The following ROBO2 variants were observed in gnomAD, a reference collection of about 807,000 sequenced individuals.
ROBO2 encodes the protein roundabout guidance receptor 2.
In ROBO2, 53 loss-of-function variants were observed where a neutral mutation model predicts 160.8. That is an observed-to-expected ratio of 0.33 (90% confidence interval 0.26 to 0.41). ROBO2 has a LOEUF of 0.41. Ranked by LOEUF, ROBO2 falls within the 10% of genes least tolerant of loss-of-function variation. ROBO2 has a pLI of 1.00. For synonymous variants in ROBO2, 664 were observed against 611.7 expected, an observed-to-expected ratio of 1.09 and a Z score of -1.26; for missense variants, 1,577 against 1,722.4, an observed-to-expected ratio of 0.92 and a Z score of 1.49.
rs368189231 is a variant in ROBO2 at position 75,927,451 on chromosome 3, A to G, written c.-13-10030A>G. On this transcript the variant is annotated intron_variant, in intron 1 of 26. Coordinates refer to the ROBO2 transcript ENST00000487694. Reference sequence around the variant, plus strand: ...AAGATAATTAATCTTTGAGAGGTTAAGTAACTATTACAAGGTAGTTTACCT... The same window carrying G: ...AAGATAATTAATCTTTGAGAGGTTAGGTAACTATTACAAGGTAGTTTACCT... Among the ~76,000 whole-genome samples, 3 of 152,212 alleles carry G rather than the reference A, an allele frequency of 2.0e-5. No individual in the cohort carries two copies. In the South Asian group the frequency reaches 6.2e-4, roughly 32 times the overall value.
intron 2 of ROBO2, among the ~76,000 whole-genome samples, chr3:76,089,848 A>G (rs2069158059): frequency 6.6e-6 from 1 of 152,214 alleles, no homozygotes; most frequent in South Asian, 2.1e-4. Context: ...AGAAAACAAA[A>G]TTTTAAAATA....
intron 2 of ROBO2, among the ~76,000 whole-genome samples, chr3:76,815,321 A>C (rs2109046409): frequency 6.6e-6 from 1 of 152,166 alleles, no homozygotes; most frequent in African/African-American, 2.4e-5. Flanking sequence ...GAATTTAGGT[A>C]AGTTATGGTA....
intron 2 of ROBO2, among the ~76,000 whole-genome samples, chr3:77,215,580 G>A (rs1465542272): frequency 6.6e-6 from 1 of 152,084 alleles, no homozygotes; most frequent in Admixed American, 6.6e-5. Flanking sequence ...CTCTCAACTC[G>A]TCAAAGTCAT....
chr3:77,082,719 TAC>T (rs200300035), intron 1 of ROBO2, among the ~76,000 whole-genome samples: 2 of 149,388 alleles, frequency 1.3e-5, no homozygotes, highest in African/African-American at 5.1e-5. Context: ...TATATATATA[TAC>T]ACACACAATA....
intron 9 of ROBO2, among the ~76,000 whole-genome samples, chr3:77,561,202 C>A (rs1046067784): frequency 6.6e-6 from 1 of 152,116 alleles, no homozygotes; most frequent in Non-Finnish European, 1.5e-5. Flanking sequence ...GAGAATCAAT[C>A]GAGAAAGCTT....
chr3:77,059,686 C>T (rs1413694958), intron 1 of ROBO2, among the ~76,000 whole-genome samples: 1 of 152,012 alleles, frequency 6.6e-6, no homozygotes, highest in East Asian at 1.9e-4. Flanking sequence ...TTTTAATTGT[C>T]TCCTTTTGAT....
chr3:76,723,190 G>A (rs1243418115), intron 2 of ROBO2, among the ~76,000 whole-genome samples: 1 of 152,020 alleles, frequency 6.6e-6, no homozygotes, highest in African/African-American at 2.4e-5. Context: ...TTTAAAGTAT[G>A]TATTACAATA....
intron 2 of ROBO2, among the ~76,000 whole-genome samples, chr3:76,558,070 T>G (rs1299998106): frequency 1.3e-5 from 2 of 151,972 alleles, no homozygotes; most frequent in Non-Finnish European, 2.9e-5. Flanking sequence ...GTATTGTTGT[T>G]TAAGATAATA....
At chr3:76,183,670 A>G (rs1469269821) in intron 2 of ROBO2, among the ~76,000 whole-genome samples, 1 of 152,114 alleles carries the variant, frequency 6.6e-6, no homozygotes, top group Non-Finnish European at 1.5e-5. Flanking sequence ...AGGGGCAAGC[A>G]GAAAATTTAA....
intron 2 of ROBO2, among the ~76,000 whole-genome samples, chr3:76,603,344 AAAAAAAAATATAT>A (rs1357418901): frequency 3.6e-4 from 23 of 64,666 alleles, no homozygotes; most frequent in South Asian, 1.7e-3. Flanking sequence ...AAAAAAAAAA[AAAAAAAAATATAT>A]ATATATATAT....
intron 2 of ROBO2, among the ~76,000 whole-genome samples, chr3:76,965,710 G>C (rs999377253): frequency 5.4e-5 from 8 of 147,888 alleles, no homozygotes; most frequent in Non-Finnish European, 1.0e-4. Flanking sequence ...ATAAGGATTA[G>C]AGATGTCTGT....
chr3:76,892,042 G>A (rs2074386915), intron 2 of ROBO2, among the ~76,000 whole-genome samples: 1 of 150,294 alleles, frequency 6.7e-6, no homozygotes, highest in African/African-American at 2.5e-5. Context: ...TGGGAATGGA[G>A]GTGACAGGAA....
At chr3:77,119,534 G>T (rs1370315623) in intron 2 of ROBO2, among the ~76,000 whole-genome samples, 1 of 152,138 alleles carries the variant, frequency 6.6e-6, no homozygotes, top group Non-Finnish European at 1.5e-5. Context: ...AAATATTTAT[G>T]AATGTAACTT....
At chr3:77,434,339 A>T (rs2079078554) in intron 2 of ROBO2, among the ~76,000 whole-genome samples, 1 of 152,094 alleles carries the variant, frequency 6.6e-6, no homozygotes, top group Admixed American at 6.6e-5. Flanking sequence ...TTGCAACTGT[A>T]TTCACAACTG....
At chr3:77,042,830 G>A (rs2064231690) in intron 1 of ROBO2, among the ~76,000 whole-genome samples, 1 of 152,148 alleles carries the variant, frequency 6.6e-6, no homozygotes, top group South Asian at 2.1e-4. Flanking sequence ...TGTAGGATAA[G>A]GGGGCAGTTT....
intron 2 of ROBO2, among the ~76,000 whole-genome samples, chr3:77,016,783 A>T (rs2062291545): frequency 6.6e-6 from 1 of 152,160 alleles, no homozygotes; most frequent in African/African-American, 2.4e-5. Context: ...TAAAATCTCA[A>T]GCCTTTTCTC....
intron 2 of ROBO2, among the ~76,000 whole-genome samples, chr3:76,230,446 C>G (rs577671052): frequency 1.3e-5 from 2 of 152,202 alleles, no homozygotes; most frequent in Non-Finnish European, 2.9e-5. Flanking sequence ...TCTCACTTGC[C>G]TTATCTGCTT....
intron 2 of ROBO2, among the ~76,000 whole-genome samples, chr3:76,691,925 C>T (rs935414627): frequency 2.6e-5 from 4 of 152,138 alleles, no homozygotes; most frequent in African/African-American, 9.7e-5. Flanking sequence ...TTTAGGAGAA[C>T]TGATCATTTC....
chr3:75,911,288 C>T (rs949748263), intron 1 of ROBO2, among the ~76,000 whole-genome samples: 16 of 152,118 alleles, frequency 1.1e-4, no homozygotes, highest in Non-Finnish European at 2.2e-4. Flanking sequence ...CGATCTATTA[C>T]AGACCCATGA....
Sources: allele counts gnomAD v4.1 joint callset (sites outside exome capture counted in the v4.1 genomes callset), GRCh38; gene constraint gnomAD v4.1.1; transcripts MANE v1.5; gene names NCBI Gene and HGNC (gene_info 2026-07-23, HGNC 2026-07-21).